The following SPAST variants were observed in gnomAD, a reference collection of about 807,000 sequenced individuals.
SPAST encodes spastic paraplegia 4 (autosomal dominant; spastin).
Under a neutral mutation model 76.6 loss-of-function variants are expected in SPAST, and 30 were observed. The observed-to-expected ratio is 0.39, with a 90% CI of 0.29 to 0.53. The LOEUF (loss-of-function observed/expected upper bound fraction) is 0.53, where lower values mean the gene tolerates loss of function less well. Ranked by LOEUF, SPAST falls within the 20% of genes least tolerant of loss-of-function variation. SPAST has a pLI of 0.68. For missense variants in SPAST, 717 were observed against 770.5 expected (o/e 0.93, Z 0.82); for synonymous variants, 305 against 281.0 (o/e 1.09, Z -0.86).
rs747652871 is a variant in SPAST at position 32,127,082 on chromosome 2, A to C, written c.1173+60A>C. On this transcript the variant is annotated intron_variant, in intron 8 of 16. Coordinates refer to ENST00000315285, the MANE Select transcript of SPAST (RefSeq NM_014946.4). ...AGATATTTGGGATAATATGAAAAAA[A>C]GAAACTTTATCTTGTCCTTGAGTCT... The C allele has an allele frequency of 7.0e-6, 8 of 1,144,374 alleles. No homozygotes were observed. The South Asian group carries it at 9.9e-5, about 14-fold the overall frequency. 70.9% of individuals were successfully genotyped at this position (1,144,374 alleles called of 1,614,324 possible).
chr2:32,138,329 G>A (rs182806145), intron 12 of SPAST, among the ~76,000 whole-genome samples: 70 of 151,950 alleles, frequency 4.6e-4, no homozygotes, highest in Non-Finnish European at 9.0e-4. Flanking sequence ...ACTTTTTCCC[G>A]CCAATCTGTA....
chr2:32,108,758 CTTTTTTTTTTTT>C (rs71407413), intron 4 of SPAST, among the ~76,000 whole-genome samples: 4 of 73,904 alleles, frequency 5.4e-5, no homozygotes, highest in South Asian at 7.1e-4. Context: ...GCTGGTATAG[CTTTTTTTTTTTT>C]TTTTTTTTTT....
At chr2:32,097,704 T>TG (rs1369446773) in intron 3 of SPAST, among the ~76,000 whole-genome samples, 5 of 150,350 alleles carry the variant, frequency 3.3e-5, no homozygotes, top group African/African-American at 4.9e-5. Context: ...TTTTCTTTTT[T>TG]TTTTTTTGAG....
At chr2:32,146,720 C>T (rs1398390448) in intron 15 of SPAST, among the ~76,000 whole-genome samples, 1 of 151,714 alleles carries the variant, frequency 6.6e-6, no homozygotes, top group Admixed American at 6.6e-5. Flanking sequence ...CAAAAATTAG[C>T]CAGGCGTGGT....
chr2:32,134,189 C>T (rs1008848221), intron 9 of SPAST, among the ~76,000 whole-genome samples: 1 of 152,074 alleles, frequency 6.6e-6, no homozygotes, highest in Non-Finnish European at 1.5e-5. Context: ...GCACATGCCA[C>T]CATGCCCAGC....
chr2:32,073,515 A>C (rs1482793457), intron 1 of SPAST, among the ~76,000 whole-genome samples: 1 of 152,090 alleles, frequency 6.6e-6, no homozygotes, highest in Non-Finnish European at 1.5e-5. Flanking sequence ...AGCAAGATAG[A>C]GACAGGGTCT....
intron 15 of SPAST, among the ~76,000 whole-genome samples, chr2:32,146,779 C>T (rs866321443): frequency 5.0e-5 from 7 of 139,160 alleles, no homozygotes; most frequent in South Asian, 2.3e-4. Context: ...GCAGGAGTAT[C>T]GCTTGAACCT....
intron 12 of SPAST, 119 bp from the exon 13 acceptor site, chr2:32,141,785 A>G: frequency 1.4e-6 from 1 of 734,516 alleles, no homozygotes; most frequent in Non-Finnish European, 2.3e-6. Flanking sequence ...TACATTGATA[A>G]CTACCAAAAT....
At chr2:32,146,327 G>C (rs556017942) in intron 15 of SPAST, among the ~76,000 whole-genome samples, 3 of 152,340 alleles carry the variant, frequency 2.0e-5, no homozygotes, top group Non-Finnish European at 4.4e-5. Flanking sequence ...GGGAGGCCAA[G>C]GTGGGAGGAT....
chr2:32,128,736 C>T, intron 9 of SPAST: 1 of 466,454 alleles, frequency 2.1e-6, no homozygotes, highest in Non-Finnish European at 3.9e-6. Context: ...AATTTATTGT[C>T]TCACAGTTGT....
At chr2:32,067,842 AAAAT>A (rs1283309129) in intron 1 of SPAST, among the ~76,000 whole-genome samples, 2 of 151,690 alleles carry the variant, frequency 1.3e-5, no homozygotes, top group Admixed American at 6.6e-5. Flanking sequence ...CAATAAAAAA[AAAAT>A]AAATTAGGTT....
chr2:32,077,730 G>A (rs971564385), intron 1 of SPAST: 1 of 152,122 alleles, frequency 6.6e-6, no homozygotes, highest in Non-Finnish European at 1.5e-5. Flanking sequence ...ACTAATATTT[G>A]AAAGAAAACG....
chr2:32,106,265 C>G (rs1174015248), intron 4 of SPAST, among the ~76,000 whole-genome samples: 1 of 152,194 alleles, frequency 6.6e-6, no homozygotes, highest in Admixed American at 6.5e-5. Context: ...CTGAGCCAGG[C>G]ATGGGATATA....
At chr2:32,087,440 A>G (rs1281637469) in intron 1 of SPAST, 52 bp from the exon 2 acceptor site, 7 of 1,114,398 alleles carry the variant, frequency 6.3e-6, no homozygotes, top group South Asian at 3.8e-5. Flanking sequence ...ATGATTTGCA[A>G]TATTTAGTGT....
intron 4 of SPAST, among the ~76,000 whole-genome samples, chr2:32,112,854 C>G (rs927018397): frequency 6.6e-6 from 1 of 151,624 alleles, no homozygotes; most frequent in East Asian, 1.9e-4. Context: ...TTTGGCCACT[C>G]TAATTTGCTG....
intron 6 of SPAST, 73 bp from the exon 7 acceptor site, chr2:32,116,046 A>G (rs947713362): frequency 8.8e-7 from 1 of 1,140,274 alleles, no homozygotes; most frequent in Non-Finnish European, 1.3e-6. Context: ...TATATGTCAT[A>G]GGGCTTAGGC....
At chr2:32,149,932 C>T (rs1337740155) in intron 16 of SPAST, among the ~76,000 whole-genome samples, 1 of 150,694 alleles carries the variant, frequency 6.6e-6, no homozygotes, top group Non-Finnish European at 1.5e-5. Flanking sequence ...GGACAGTGAA[C>T]TGTTAACACA....
chr2:32,077,808 G>T (rs1280118892), intron 1 of SPAST: 1 of 152,170 alleles, frequency 6.6e-6, no homozygotes, highest in African/African-American at 2.4e-5. Flanking sequence ...ATGAATATCA[G>T]CATTTCTGTT....
At chr2:32,103,031 A>C (rs1162413340) in intron 4 of SPAST, among the ~76,000 whole-genome samples, 4 of 152,208 alleles carry the variant, frequency 2.6e-5, no homozygotes, top group Non-Finnish European at 5.9e-5. Flanking sequence ...GAATCATTTC[A>C]GAAGGAATGG....
Sources: allele counts gnomAD v4.1 joint callset (sites outside exome capture counted in the v4.1 genomes callset), GRCh38; gene constraint gnomAD v4.1.1; transcripts MANE v1.5; gene names NCBI Gene and HGNC (gene_info 2026-07-23, HGNC 2026-07-21).